Variants in SURF1 observed in about 807,000 individuals in gnomAD.
SURF1 encodes the protein SURF1 cytochrome c oxidase assembly factor, also known as surfeit locus protein 1.
A neutral mutation model predicts 34.1 loss-of-function variants in SURF1; 45 were observed. That is an observed-to-expected ratio of 1.32 (90% CI 1.04 to 1.69). The LOEUF (loss-of-function observed/expected upper bound fraction) is 1.69, where lower values mean the gene tolerates loss of function less well. Among genes scored for constraint, SURF1 ranks in the 40% most tolerant of loss-of-function variants. The pLI is 0.00. For missense variants in SURF1, 456 were observed against 384.6 expected, an observed-to-expected ratio of 1.19 and a Z score of -1.55; for synonymous variants, 188 against 147.5, an observed-to-expected ratio of 1.27 and a Z score of -1.99.
rs200407815 is a variant in SURF1 at position 133,352,477 on chromosome 9, G to A, written c.720C>T (p.Gly240=). 55 of 1,614,084 alleles carry A rather than the reference G, an allele frequency of 3.4e-5. No individual in the cohort carries two copies. The highest frequency in any genetic ancestry group is 5.0e-5 in the Admixed American group (3 of 59,996). Reference sequence around the variant, plus strand: ...TGGCATCAATGAAGATGGGCTCTGCGCCTGTGATTCTGGCCATAGCTTCCA... The same window carrying A: ...TGGCATCAATGAAGATGGGCTCTGCACCTGTGATTCTGGCCATAGCTTCCA... ...RDLEAMARIT[G]AEPIFIDANF... The change falls in exon 7 of 9, where the codon GGC becomes GGT. Residue 240 remains glycine, a synonymous_variant. Coordinates refer to ENST00000371974, the MANE Select transcript of SURF1 (RefSeq NM_003172.4).
At position 133,352,128 on chromosome 9, in the gene SURF1, C is replaced by T; in HGVS notation, c.766G>A (p.Gly256Arg). The T allele has an allele frequency of 6.2e-7, 1 of 1,603,090 alleles. No individual in the cohort carries two copies. ...CTGGTTTGCCCTCCAATGGGTCCTC[C>T]AGGGACTGTGCTCTCTGTGGAGACA... ...IDANFQSTVP[G>R]GPIGGQTRVT... is the part of the protein sequence containing the mutation. The change falls in exon 8 of 9, where the codon GGA (glycine) becomes AGA (arginine). Residue 256 changes from glycine (G) to arginine (R), a missense_variant. Coordinates refer to ENST00000371974, the MANE Select transcript of SURF1 (RefSeq NM_003172.4).
At chr9:133,352,670 G>C (rs1197015595) in intron 6 of SURF1, 24 bp downstream of exon 6, 1 of 1,613,678 alleles carries the variant, frequency 6.2e-7, no homozygotes, top group Non-Finnish European at 8.5e-7. Context: ...CTTCTCTAAA[G>C]TAGGAAGAGT....
rs1773521003 is a variant in SURF1, at chr9:133,356,422, A to C, written c.32T>G (p.Leu11Arg). The change falls in exon 1 of 9, where the codon CTG becomes CGG. Residue 11 changes from leucine (L) to arginine (R), a missense_variant. Leu to Arg is a moderately radical substitution (Grantham distance 102, BLOSUM62 -2). Transcript: ENST00000371974. ...CACCCGTCCCAGCCCCGCCGCCCGC[A>C]GCCCCAGCTGCAACGCAGCCACCGC... MAAVAALQLGLRAAGLGRAPA... is the reference protein window; with the variant it reads MAAVAALQLGRRAAGLGRAPA... 7.2e-7 allele frequency: 1 copy of C among 1,381,036 alleles called. No homozygotes were observed. Among genetic ancestry groups the C allele is most frequent in the Non-Finnish European group, 9.4e-7 (1 of 1,069,274 alleles). The allele number at this position is 1,381,036 out of a possible 1,614,324, so 85.5% of individuals were successfully genotyped here. A position where few individuals can be genotyped will look rare whatever the true frequency, so the allele number is the denominator to read the frequency against.
chr9:133,354,055 G>A, intron 4 of SURF1, 115 bp from the exon 5 acceptor site: 1 of 1,215,284 alleles, frequency 8.2e-7, no homozygotes, highest in Non-Finnish European at 1.2e-6. Flanking sequence ...AAGGCAAAGG[G>A]CGTGCTCTTC....
Position 133,354,886 on chromosome 9 carries a change from A to G in SURF1, c.178T>C (p.Ser60Pro), listed in dbSNP as rs1836529860. 6.2e-7 allele frequency: 1 copy of G among 1,614,024 alleles called. No individual in the cohort carries two copies. The stretch of plus-strand genomic sequence containing the variant: ...AGGAGCAGGACCCACTGAAGAAAGG[A>G]GTCATCTTCCGCTTTTGTGGCAGAT... ...EASATKAEDD[S>P]FLQWVLLLIP... Residue 60 changes from serine to proline, a missense_variant, in exon 3 of 9, where the codon TCC (serine) becomes CCC (proline). Ser to Pro is a moderately conservative substitution (Grantham distance 74). Transcript: ENST00000371974.
Position 133,352,384 on chromosome 9 carries a change from TAGG to T in SURF1, c.751+59_751+61del, listed in dbSNP as rs1473709953. The T allele has an allele frequency of 3.7e-6, 6 of 1,612,196 alleles. No homozygotes were observed. The East Asian group carries it at 1.1e-4, about 30-fold the overall frequency. The stretch of plus-strand genomic sequence containing the variant: ...ACAGTAGTGACTGGGCAATGAGGGT[TAGG>T]AGGAAGGACAGTATTCACAAAAGCT... On this transcript the variant is annotated intron_variant, in intron 7 of 8. Transcript: ENST00000371974.
In SURF1 at chr9:133,352,495, A is replaced by G. The variant is rs2130007375; in HGVS notation, c.702T>C (p.Ala234=). The part of the protein sequence containing the change: ...RNHWHYRDLE[A]MARITGAEPI... ...GCTCTGCGCCTGTGATTCTGGCCAT[A>G]GCTTCCAGGTCTCGATAATGCCAGT... The change falls in exon 7 of 9, where the codon GCT becomes GCC. Residue 234 remains alanine, a synonymous_variant. Coordinates refer to ENST00000371974, the MANE Select transcript of SURF1 (RefSeq NM_003172.4). 3 of 1,614,216 alleles carry G rather than the reference A, an allele frequency of 1.9e-6. No homozygotes were observed. The highest frequency in any genetic ancestry group is 1.7e-5 in the Admixed American group (1 of 60,028).
At chr9:133,352,283 CTCAGT>C in intron 7 of SURF1, 141 bp from the exon 8 acceptor site, 1 of 1,389,400 alleles carries the variant, frequency 7.2e-7, no homozygotes, top group South Asian at 1.2e-5. Context: ...CCCTTGTCCG[CTCAGT>C]ACTTGCCTAG....
chr9:133,354,845 G>C lies in SURF1; in HGVS notation c.219C>G (p.Ala73=), dbSNP rs1356497268. ...QWVLLLIPVT[A]FGLGTWQVQR... is the part of the protein sequence containing the mutation. ...TTACCTGCCATGTCCCCAAGCCAAAGGCAGTCACAGGGATGAGGAGCAGGA... is the reference window on the plus strand; with the variant it reads ...TTACCTGCCATGTCCCCAAGCCAAACGCAGTCACAGGGATGAGGAGCAGGA... Residue 73 remains alanine (A), a synonymous_variant, in exon 3 of 9, where the codon GCC becomes GCG. Coordinates refer to ENST00000371974, the MANE Select transcript of SURF1 (RefSeq NM_003172.4). 1 of 1,614,024 alleles carries C rather than the reference G, an allele frequency of 6.2e-7. No individual in the cohort carries two copies.
Position 133,354,954 on chromosome 9 carries a change from A to G in SURF1, c.110T>C (p.Val37Ala). Reference protein sequence around the residue: ...SVLRVSPRPGVAWRPSRCGSS... With the variant: ...SVLRVSPRPGAAWRPSRCGSS... The stretch of plus-strand genomic sequence containing the variant: ...GCCACATCTGCTTGGCCTCCAGGCC[A>G]CCCCTGGAGAGTTTCACAACACTGA... The change falls in exon 3 of 9, where the codon GTG (valine) becomes GCG (alanine). Residue 37 changes from valine (V) to alanine (A), a missense_variant. By Grantham distance (64) the Val-to-Ala change is moderately conservative (BLOSUM62 0). Transcript: ENST00000371974. 1 of 1,613,118 alleles carries G rather than the reference A, an allele frequency of 6.2e-7. No individual in the cohort carries two copies. The highest frequency in any genetic ancestry group is 2.2e-5 in the East Asian group (1 of 44,856).
rs181845011 is a variant in SURF1, at chr9:133,352,344, G to A, written c.751+102C>T. 2.5e-6 allele frequency: 4 copies of A among 1,583,106 alleles called. No individual in the cohort carries two copies. In the African/African-American group the frequency reaches 4.0e-5, roughly 16 times the overall value. The stretch of plus-strand genomic sequence containing the variant: ...CTCCTCCCACCCGCCATATACACAT[G>A]TGAGAACATAAGCCACAGTAGTGAC... On this transcript the variant is annotated intron_variant, in intron 7 of 8. Transcript: ENST00000371974.
At chr9:133,352,848 G>A (rs2130010732) in intron 5 of SURF1, 82 bp from the exon 6 acceptor site, 8 of 1,416,314 alleles carry the variant, frequency 5.6e-6, no homozygotes, top group African/African-American at 4.3e-5. Flanking sequence ...GCACCCATAG[G>A]AACAACTAGA....
chr9:133,356,253 G>A lies in SURF1; in HGVS notation c.106+16C>T. ...TGCCCAGGCGCCTGGATCACAGCCC[G>A]GCCTGCAGCCCTCACCTGGGCGCGG... is the stretch of plus-strand genomic sequence containing the variant. On this transcript the variant is annotated intron_variant, in intron 2 of 8. Coordinates refer to ENST00000371974, the MANE Select transcript of SURF1 (RefSeq NM_003172.4). 6.5e-6 allele frequency: 10 copies of A among 1,533,594 alleles called. No homozygotes were observed. The highest frequency in any genetic ancestry group is 8.7e-6 in the Non-Finnish European group (10 of 1,146,204). The allele number at this position is 1,533,594 out of a possible 1,614,324, so 95.0% of individuals were successfully genotyped here.
chr9:133,354,623 G>C lies in SURF1; in HGVS notation c.323+36C>G, dbSNP rs2130017451. The C allele has an allele frequency of 5.0e-6, 8 of 1,610,874 alleles. No individual in the cohort carries two copies. In the East Asian group the frequency reaches 1.8e-4, roughly 36 times the overall value. On this transcript the variant is annotated intron_variant, in intron 4 of 8. Transcript: ENST00000371974. ...GCCAGGGCTCTGCTGTTGAACTCAA[G>C]TAAAACAGGCCCTAGGGGGGCAGCC...
In SURF1 at chr9:133,353,734, A is replaced by C; in HGVS notation, c.515+15T>G. On this transcript the variant is annotated intron_variant, in intron 5 of 8. Transcript: ENST00000371974. ...GCCTCTGCCAGGACAGCCAGCTCCC[A>C]CATGTCCTACTCACCCCAGGTCGGT... 6.2e-7 allele frequency: 1 copy of C among 1,613,586 alleles called. No individual in the cohort carries two copies. Among genetic ancestry groups the C allele is most frequent in the Non-Finnish European group, 8.5e-7 (1 of 1,179,958 alleles).
At chr9:133,352,976 T>A (rs1836472930) in intron 5 of SURF1, among the ~76,000 whole-genome samples, 1 of 152,206 alleles carries the variant, frequency 6.6e-6, no homozygotes, top group Non-Finnish European at 1.5e-5. Context: ...CCTGCCACCA[T>A]CACTACCTTT....
At position 133,352,774 on chromosome 9, in the gene SURF1, A is replaced by G. The variant is rs2130010089; in HGVS notation, c.516-8T>C. ...TTTACCAGGATGGTGACTCTAGGGT[A>G]ATGAAAGTGCTACTTCAGGTGGGGA... is the stretch of plus-strand genomic sequence containing the variant. On this transcript the variant is annotated splice_region_variant and splice_polypyrimidine_tract_variant and intron_variant, in intron 5 of 8. Transcript: ENST00000371974. 6.2e-6 allele frequency: 10 copies of G among 1,608,510 alleles called. No individual in the cohort carries two copies. The African/African-American group carries it at 1.1e-4, about 17-fold the overall frequency.
rs1472150950 is a variant in SURF1, at chr9:133,352,141, C to T, written c.753G>A (p.Gln251=). The change falls in exon 8 of 9, where the codon CAG becomes CAA. Residue 251 remains glutamine (Q), a splice_region_variant and synonymous_variant. Transcript: ENST00000371974. ...CAATGGGTCCTCCAGGGACTGTGCT[C>T]TCTGTGGAGACAGCAGACTCAAGTC... ...AEPIFIDANF[Q]STVPGGPIGG... 3.1e-6 allele frequency: 5 copies of T among 1,596,582 alleles called. No individual in the cohort carries two copies. Among genetic ancestry groups the T allele is most frequent in the Non-Finnish European group, 4.3e-6 (5 of 1,170,882 alleles).
At position 133,352,111 on chromosome 9, in the gene SURF1, C is replaced by T. The variant is rs1356144279; in HGVS notation, c.783G>A (p.Gly261=). The T allele has an allele frequency of 1.2e-6, 2 of 1,607,782 alleles. No individual in the cohort carries two copies. The highest frequency in any genetic ancestry group is 1.7e-6 in the Non-Finnish European group (2 of 1,177,042). The change falls in exon 8 of 9, where the codon GGG becomes GGA. Residue 261 remains glycine (G), a synonymous_variant. Transcript: ENST00000371974. The stretch of plus-strand genomic sequence containing the variant: ...CGTTCCTCAGAGTAACTCTGGTTTG[C>T]CCTCCAATGGGTCCTCCAGGGACTG... ...QSTVPGGPIG[G]QTRVTLRNEH... is the part of the protein sequence containing the mutation.
Sources: gnomAD v4.1 joint callset for allele counts (sites outside exome capture counted in the v4.1 genomes callset) on GRCh38, gnomAD v4.1.1 for gene constraint, MANE v1.5 for transcripts, NCBI Gene and HGNC (gene_info 2026-07-23, HGNC 2026-07-21) for gene names.